ELP4: variants seen among roughly 807,000 people sequenced by gnomAD.
The protein encoded by ELP4 is elongator complex protein 4.
ELP4 carries 51 observed loss-of-function variants against 48.9 expected under a neutral mutation model. The ratio of observed to expected loss-of-function variants is 1.04; its 90% CI spans 0.83 to 1.32. The LOEUF (loss-of-function observed/expected upper bound fraction) is 1.32, where lower values mean the gene tolerates loss of function less well. Among genes scored for constraint, ELP4 ranks in the 40% most tolerant of loss-of-function variants. The pLI, the probability that ELP4 is intolerant of heterozygous loss-of-function variation, is 0.00. For missense variants in ELP4, 519 were observed against 514.6 expected (o/e 1.01, Z -0.08); for synonymous variants, 210 against 189.2 (o/e 1.11, Z -0.90).
In ELP4 at chr11:31,682,033, G is replaced by A. The variant is rs756025521; in HGVS notation, c.1143+31812G>A. The A allele has an allele frequency of 3.3e-5, 42 of 1,290,048 alleles. 2 individuals carry two copies. In the Middle Eastern group the frequency reaches 3.9e-3, roughly 119 times the overall value. 79.9% of individuals were successfully genotyped at this position (1,290,048 alleles called of 1,614,324 possible). ...TGGAATTACAGGCATGAGCTACCGCGCCCGGCCTAGGGCTTTGTATTTCAA... is the reference window on the plus strand; with the variant it reads ...TGGAATTACAGGCATGAGCTACCGCACCCGGCCTAGGGCTTTGTATTTCAA... On this transcript the variant is annotated intron_variant, in intron 9 of 9. Coordinates refer to ENST00000640961, the MANE Select transcript of ELP4 (RefSeq NM_019040.5).
intron 9 of ELP4, among the ~76,000 whole-genome samples, chr11:31,703,743 T>G (rs949253646): frequency 6.6e-6 from 1 of 152,194 alleles, no homozygotes; most frequent in Non-Finnish European, 1.5e-5. Context: ...TTATATGTTT[T>G]TAAGGAAATC....
intron 9 of ELP4, among the ~76,000 whole-genome samples, chr11:31,759,714 T>C (rs1040151215): frequency 9.3e-5 from 14 of 151,288 alleles, no homozygotes; most frequent in African/African-American, 3.4e-4. Context: ...CTTTTTTCTT[T>C]TTTTTTTTTT....
At chr11:31,532,181 T>G (rs1956406029) in intron 2 of ELP4, among the ~76,000 whole-genome samples, 1 of 152,186 alleles carries the variant, frequency 6.6e-6, no homozygotes, top group Non-Finnish European at 1.5e-5. Flanking sequence ...AATTAGCATG[T>G]TACCACCAGA....
At chr11:31,574,454 G>C (rs1260405268) in intron 3 of ELP4, among the ~76,000 whole-genome samples, 2 of 152,202 alleles carry the variant, frequency 1.3e-5, no homozygotes, top group Non-Finnish European at 2.9e-5. Context: ...CCAGCATAGA[G>C]TTTGAGATCT....
At chr11:31,671,952 G>A (rs774641643) in intron 9 of ELP4, among the ~76,000 whole-genome samples, 13 of 152,004 alleles carry the variant, frequency 8.6e-5, no homozygotes, top group Non-Finnish European at 1.5e-4. Context: ...ACAGTATTAC[G>A]GTTCTCTTAT....
chr11:31,539,750 A>G lies in ELP4; in HGVS notation c.348A>G (p.Ala116=), dbSNP rs1461241657. 1.2e-6 allele frequency: 2 copies of G among 1,612,190 alleles called. No individual in the cohort carries two copies. Among genetic ancestry groups the G allele is most frequent in the Admixed American group, 1.7e-5 (1 of 59,836 alleles). ...GIVNGHTLLV[A]SAKEDPANIL... is the part of the protein sequence containing the mutation. ...TCAATGGGCATACTTTGTTGGTTGC[A>G]TCTGCTAAAGAGGATCCTGCCAACA... Residue 116 remains alanine, a synonymous_variant, in exon 3 of 10, where the codon GCA becomes GCG. Transcript: ENST00000640961.
Position 31,594,823 on chromosome 11 carries a change from T to C in ELP4, c.435T>C (p.Asp145=). ...DDKCKKEFDE[D]VYNHKTPESN... ...AATGTAAAAAGGAATTTGATGAAGA[T>C]GTATACAATCATAAAACACCAGAAT... Residue 145 remains aspartate, a synonymous_variant, in exon 4 of 10, where the codon GAT becomes GAC. Transcript: ENST00000640961. The C allele has an allele frequency of 6.5e-7, 1 of 1,549,218 alleles. No individual in the cohort carries two copies. The highest frequency in any genetic ancestry group is 8.7e-7 in the Non-Finnish European group (1 of 1,154,342).
chr11:31,700,543 T>C (rs1946499256), intron 9 of ELP4, among the ~76,000 whole-genome samples: 1 of 152,076 alleles, frequency 6.6e-6, no homozygotes, highest in African/African-American at 2.4e-5. Context: ...TGTGGGTCTG[T>C]ATAAGGTATC....
chr11:31,533,875 G>C (rs1172097541), intron 2 of ELP4, among the ~76,000 whole-genome samples: 3 of 151,398 alleles, frequency 2.0e-5, no homozygotes, highest in African/African-American at 7.3e-5. Context: ...TCACTCTGTC[G>C]CCCAGGCTGG....
chr11:31,533,365 A>ATTTTTTTTTTTT (rs1592089795), intron 2 of ELP4, among the ~76,000 whole-genome samples: 6 of 67,734 alleles, frequency 8.9e-5, no homozygotes, highest in Non-Finnish European at 1.1e-4. Context: ...AAGCCATCTC[A>ATTTTTTTTTTTT]TTCTTTTTTT....
intron 9 of ELP4, among the ~76,000 whole-genome samples, chr11:31,766,858 T>C (rs1948052372): frequency 6.6e-6 from 1 of 152,114 alleles, no homozygotes; most frequent in East Asian, 1.9e-4. Context: ...GAGCAACTAA[T>C]ATCCCTTTAG....
In ELP4 at chr11:31,783,490, T is replaced by C. The variant is rs200018893; in HGVS notation, c.1241T>C (p.Met414Thr). 1.4e-3 allele frequency: 2,330 copies of C among 1,613,982 alleles called. 3 individuals carry two copies. The highest frequency in any genetic ancestry group is 1.8e-3 in the Non-Finnish European group (2,133 of 1,179,954). The change falls in exon 10 of 10, where the codon ATG (methionine) becomes ACG (threonine). Residue 414 changes from methionine to threonine, a missense_variant. By Grantham distance (81) the Met-to-Thr change is moderately conservative. Coordinates refer to ENST00000640961, the MANE Select transcript of ELP4 (RefSeq NM_019040.5). The stretch of plus-strand genomic sequence containing the variant: ...AAGCGGCTGGGCCCAGGCTGTGGCA[T>C]GATGGCCGGAGGCAAGAAGCACCTG... ...SAKRLGPGCG[M>T]MAGGKKHLDF
chr11:31,590,911 A>G (rs1957558126), intron 3 of ELP4, among the ~76,000 whole-genome samples: 1 of 152,168 alleles, frequency 6.6e-6, no homozygotes, highest in Admixed American at 6.6e-5. Flanking sequence ...AATGGGGATT[A>G]CACTTCAATA....
intron 9 of ELP4, among the ~76,000 whole-genome samples, chr11:31,694,520 A>G (rs540016878): frequency 3.3e-5 from 5 of 152,202 alleles, no homozygotes; most frequent in African/African-American, 9.6e-5. Flanking sequence ...CCATTGGTCT[A>G]TATCTCTGTT....
chr11:31,613,942 C>A (rs1292288786), intron 5 of ELP4, among the ~76,000 whole-genome samples: 2 of 151,902 alleles, frequency 1.3e-5, no homozygotes, highest in Non-Finnish European at 2.9e-5. Context: ...AACTCCTGAC[C>A]TCAAGTGACC....
chr11:31,756,483 T>G (rs1947834273), intron 9 of ELP4, among the ~76,000 whole-genome samples: 1 of 152,170 alleles, frequency 6.6e-6, no homozygotes, highest in African/African-American at 2.4e-5. Context: ...ATTTCCCATC[T>G]AACTCTAACT....
At chr11:31,631,089 A>G (rs1328845086) in intron 6 of ELP4, among the ~76,000 whole-genome samples, 1 of 152,160 alleles carries the variant, frequency 6.6e-6, no homozygotes, top group Non-Finnish European at 1.5e-5. Flanking sequence ...TTAGGCTTTC[A>G]TCTTCTAACA....
chr11:31,533,530 A>G (rs1167578489), intron 2 of ELP4, among the ~76,000 whole-genome samples: 3 of 151,424 alleles, frequency 2.0e-5, no homozygotes, highest in Admixed American at 6.6e-5. Flanking sequence ...TGCGCCGGCC[A>G]TCAAGCCCGG....
At chr11:31,694,028 A>T (rs1946343635) in intron 9 of ELP4, among the ~76,000 whole-genome samples, 2 of 152,040 alleles carry the variant, frequency 1.3e-5, no homozygotes, top group Non-Finnish European at 2.9e-5. Context: ...TTTCTTATAA[A>T]TTTGTTTGAG....
Sources: allele counts gnomAD v4.1 joint callset (sites outside exome capture counted in the v4.1 genomes callset), GRCh38; gene constraint gnomAD v4.1.1; transcripts MANE v1.5; gene names NCBI Gene and HGNC (gene_info 2026-07-23, HGNC 2026-07-21).